Variants in RAPGEF6 observed in about 807,000 individuals in gnomAD.
RAPGEF6 encodes the protein PDZ domain containing guanine nucleotide exchange factor (GEF) 2.
In RAPGEF6, 56 loss-of-function variants were observed where a neutral mutation model predicts 171.4. The ratio of observed to expected loss-of-function variants is 0.33; its 90% CI spans 0.26 to 0.41. RAPGEF6 has a LOEUF of 0.41. Among genes scored for constraint, RAPGEF6 ranks in the 10% least tolerant of loss-of-function variants. The pLI, the probability that RAPGEF6 is intolerant of heterozygous loss-of-function variation, is 1.00. For synonymous variants in RAPGEF6, 692 were observed against 650.1 expected, an observed-to-expected ratio of 1.06 and a Z score of -0.98; for missense variants, 1,674 against 1,921.4, an observed-to-expected ratio of 0.87 and a Z score of 2.41.
intron 5 of RAPGEF6, among the ~76,000 whole-genome samples, chr5:131,553,526 A>G (rs1023466163): frequency 6.6e-6 from 1 of 152,242 alleles, no homozygotes; most frequent in African/African-American, 2.4e-5. Flanking sequence ...TCAATCAACT[A>G]TGATTAAACA....
At position 131,427,007 on chromosome 5, in the gene RAPGEF6, TC is replaced by T. The variant is rs539937345; in HGVS notation, c.*258del. ...GTTTACATTTTTTCTGTAACTGTGGTCCCAAGGCAGTTCCGGCGTGCAAAGT... is the reference window on the plus strand; with the variant it reads ...GTTTACATTTTTTCTGTAACTGTGGTCCAAGGCAGTTCCGGCGTGCAAAGT... On this transcript the variant is annotated 3_prime_UTR_variant, in exon 28 of 28. Coordinates refer to ENST00000509018, the MANE Select transcript of RAPGEF6 (RefSeq NM_016340.6). The T allele has an allele frequency of 2.0e-6, 1 of 490,908 alleles. No homozygotes were observed. The highest frequency in any genetic ancestry group is 3.6e-6 in the Non-Finnish European group (1 of 279,826). 30.4% of individuals were successfully genotyped at this position (490,908 alleles called of 1,614,324 possible).
rs770850083 is a variant in RAPGEF6, at chr5:131,433,530, G to A, written c.3874C>T (p.Arg1292Trp). The A allele has an allele frequency of 6.8e-6, 11 of 1,613,520 alleles. No homozygotes were observed. The East Asian group carries it at 1.3e-4, about 20-fold the overall frequency. Residue 1292 changes from arginine (R) to tryptophan (W), a missense_variant, in exon 25 of 28, where the codon CGG becomes TGG. Around this residue, in one of 3 missense-constraint regions of RAPGEF6, gnomAD observed 552 missense variants for 574.2 expected, o/e 0.96. Coordinates refer to ENST00000509018, the MANE Select transcript of RAPGEF6 (RefSeq NM_016340.6). ...ACTGCCAGGGCCTGAGAGGAACACCGTTCATCCTGTAGAGCTGCAGACATG... is the reference window on the plus strand; with the variant it reads ...ACTGCCAGGGCCTGAGAGGAACACCATTCATCCTGTAGAGCTGCAGACATG... ...DSMSAALQDE[R>W]CSSQALAVPE...
chr5:131,524,256 A>G (rs1232552365), intron 6 of RAPGEF6, among the ~76,000 whole-genome samples: 1 of 152,154 alleles, frequency 6.6e-6, no homozygotes, highest in Non-Finnish European at 1.5e-5. Context: ...TAAAATAGTA[A>G]CATTAATATC....
intron 15 of RAPGEF6, among the ~76,000 whole-genome samples, chr5:131,481,445 A>C (rs1272414371): frequency 6.7e-6 from 1 of 149,304 alleles, no homozygotes; most frequent in Admixed American, 6.7e-5. Flanking sequence ...CCCAGGAATG[A>C]CCTCGAACTT....
chr5:131,433,421 G>A lies in RAPGEF6; in HGVS notation c.3974+9C>T. On this transcript the variant is annotated intron_variant, in intron 25 of 27. Coordinates refer to ENST00000509018, the MANE Select transcript of RAPGEF6 (RefSeq NM_016340.6). ...GTTTTGTGTTATGAACACAGACAATGATGCTTACCCAGGGCCATGTTGACT... is the reference window on the plus strand; with the variant it reads ...GTTTTGTGTTATGAACACAGACAATAATGCTTACCCAGGGCCATGTTGACT... 6.2e-7 allele frequency: 1 copy of A among 1,601,348 alleles called. No homozygotes were observed. The highest frequency in any genetic ancestry group is 8.6e-7 in the Non-Finnish European group (1 of 1,168,472).
chr5:131,433,646 A>C lies in RAPGEF6; in HGVS notation c.3758T>G (p.Ile1253Ser). The C allele has an allele frequency of 6.2e-7, 1 of 1,606,586 alleles. No individual in the cohort carries two copies. The highest frequency in any genetic ancestry group is 8.5e-7 in the Non-Finnish European group (1 of 1,173,196). ...QGSPHKGYTL[I>S]PSAKSDNLSD... The stretch of plus-strand genomic sequence containing the variant: ...CAAGTTGTCAGATTTAGCTGATGGA[A>C]TAAGTGTGTAACCTGAACAAGAAAA... The change falls in exon 25 of 28, where the codon ATT (isoleucine) becomes AGT (serine). Residue 1253 changes from isoleucine (I) to serine (S), a missense_variant. Ile to Ser is a moderately radical substitution (Grantham distance 142, BLOSUM62 -2). Coordinates refer to ENST00000509018, the MANE Select transcript of RAPGEF6 (RefSeq NM_016340.6).
intron 15 of RAPGEF6, among the ~76,000 whole-genome samples, chr5:131,481,704 G>T (rs1283076114): frequency 2.0e-5 from 3 of 152,122 alleles, no homozygotes; most frequent in Admixed American, 2.0e-4. Context: ...ATCTGTATAA[G>T]GTTAAATATC....
At chr5:131,565,233 A>G (rs981324950) in intron 4 of RAPGEF6, among the ~76,000 whole-genome samples, 2 of 149,304 alleles carry the variant, frequency 1.3e-5, no homozygotes, top group African/African-American at 5.2e-5. Context: ...GTTTTATTGT[A>G]TATTAGCAAC....
intron 1 of RAPGEF6, among the ~76,000 whole-genome samples, chr5:131,604,936 C>A (rs1353988579): frequency 6.6e-6 from 1 of 152,176 alleles, no homozygotes; most frequent in African/African-American, 2.4e-5. Context: ...GCCAGAACCC[C>A]AAATTCATTA....
At position 131,596,154 on chromosome 5, in the gene RAPGEF6, A is replaced by AT. The variant is rs920756371; in HGVS notation, c.198-3689dup. Reference sequence around the variant, plus strand: ...GGGGAGCAGTGCGAGACTCCATCATATAAAAAAAAAAAAAAAAGTTAAAGG... The same window carrying AT: ...GGGGAGCAGTGCGAGACTCCATCATATTAAAAAAAAAAAAAAAAGTTAAAGG... On this transcript the variant is annotated intron_variant, in intron 3 of 27. Coordinates refer to ENST00000509018, the MANE Select transcript of RAPGEF6 (RefSeq NM_016340.6). Among the ~76,000 whole-genome samples, 14 of 86,848 alleles carry AT rather than the reference A, an allele frequency of 1.6e-4. 1 individual carries two copies. In the South Asian group the frequency reaches 4.8e-3, roughly 30 times the overall value. 57.0% of individuals were successfully genotyped at this position (86,848 alleles called of 152,430 possible).
intron 6 of RAPGEF6, among the ~76,000 whole-genome samples, chr5:131,543,760 CT>C (rs1760317024): frequency 6.6e-6 from 1 of 152,152 alleles, no homozygotes; most frequent in East Asian, 1.9e-4. Flanking sequence ...GGCTTGATTA[CT>C]TATCCTGCTC....
At chr5:131,618,905 C>G (rs757217245) in intron 1 of RAPGEF6, among the ~76,000 whole-genome samples, 70 of 152,138 alleles carry the variant, frequency 4.6e-4, no homozygotes, top group Middle Eastern at 3.4e-3. Context: ...ACGGGAAGTA[C>G]AGACCACCAC....
At chr5:131,432,505 C>G (rs1205572720) in intron 25 of RAPGEF6, among the ~76,000 whole-genome samples, 1 of 152,098 alleles carries the variant, frequency 6.6e-6, no homozygotes, top group African/African-American at 2.4e-5. Flanking sequence ...GTAGTCCCAG[C>G]TACTCGGGAG....
intron 6 of RAPGEF6, among the ~76,000 whole-genome samples, chr5:131,533,277 G>A (rs1416538730): frequency 6.6e-6 from 1 of 151,540 alleles, no homozygotes. Flanking sequence ...ATTGGCTTGA[G>A]CACCCTTTCT....
chr5:131,434,556 T>C (rs1167048885), intron 24 of RAPGEF6, among the ~76,000 whole-genome samples: 2 of 152,366 alleles, frequency 1.3e-5, no homozygotes, highest in African/African-American at 4.8e-5. Flanking sequence ...GTTTTTTAAA[T>C]TGTTTTAGGT....
chr5:131,439,863 C>T (rs1752263775), intron 23 of RAPGEF6, 148 bp from the exon 24 acceptor site: 3 of 1,346,554 alleles, frequency 2.2e-6, no homozygotes, highest in Non-Finnish European at 2.0e-6. Flanking sequence ...GACTAAATGA[C>T]TGGGTAATGG....
At chr5:131,525,416 C>T (rs1325783337) in intron 6 of RAPGEF6, among the ~76,000 whole-genome samples, 1 of 151,964 alleles carries the variant, frequency 6.6e-6, no homozygotes, top group Non-Finnish European at 1.5e-5. Context: ...ATTGAAATAG[C>T]CCATAAATCC....
chr5:131,612,201 ATTTTTTTTTTTTT>A (rs35306366), intron 1 of RAPGEF6, among the ~76,000 whole-genome samples: 1 of 83,328 alleles, frequency 1.2e-5, no homozygotes, highest in Non-Finnish European at 2.3e-5. Context: ...TGCTCAGCTA[ATTTTTTTTTTTTT>A]TTTTTTTTTT....
rs1167362603 is a variant in RAPGEF6 at position 131,453,255 on chromosome 5, T to G, written c.3077-78A>C. The G allele has an allele frequency of 2.0e-6, 3 of 1,484,014 alleles. No individual in the cohort carries two copies. The African/African-American group carries it at 4.2e-5, about 21-fold the overall frequency. The allele number at this position is 1,484,014 out of a possible 1,614,324, so 91.9% of individuals were successfully genotyped here. ...GTAGCAAAAGTCAAGCTGGTAATCT[T>G]GAGGGGCACAAAGAAGGACCTTCTT... On this transcript the variant is annotated intron_variant, in intron 20 of 27. Coordinates refer to ENST00000509018, the MANE Select transcript of RAPGEF6 (RefSeq NM_016340.6).
Sources: allele counts gnomAD v4.1 joint callset (sites outside exome capture counted in the v4.1 genomes callset), GRCh38; gene constraint gnomAD v4.1.1; regional missense constraint gnomAD v4.1.1; transcripts MANE v1.5; gene names NCBI Gene and HGNC (gene_info 2026-07-23, HGNC 2026-07-21).